CLSTN2: variants seen among roughly 807,000 people sequenced by gnomAD.
The protein encoded by CLSTN2 is calsyntenin 2.
In CLSTN2, 48 loss-of-function variants were observed where a neutral mutation model predicts 101.2. The ratio of observed to expected loss-of-function variants is 0.47; its 90% CI spans 0.38 to 0.60. The LOEUF (loss-of-function observed/expected upper bound fraction) is 0.60, where lower values mean the gene tolerates loss of function less well. Ranked by LOEUF, CLSTN2 falls within the 20% of genes least tolerant of loss-of-function variation. The probability of loss-of-function intolerance (pLI) is 0.00; values close to 1 mark genes in which losing one functional copy is unlikely to be tolerated. For synonymous variants in CLSTN2, 481 were observed against 463.6 expected, an observed-to-expected ratio of 1.04 and a Z score of -0.48; for missense variants, 1,160 against 1,238.2, an observed-to-expected ratio of 0.94 and a Z score of 0.95.
At chr3:140,386,087 A>G (rs908605490) in intron 2 of CLSTN2, among the ~76,000 whole-genome samples, 2 of 152,168 alleles carry the variant, frequency 1.3e-5, no homozygotes, top group Non-Finnish European at 2.9e-5. Flanking sequence ...TTTACTATGT[A>G]CTTTCTTCAT....
chr3:140,542,788 C>T (rs998749143), intron 9 of CLSTN2, among the ~76,000 whole-genome samples: 4 of 152,256 alleles, frequency 2.6e-5, no homozygotes, highest in East Asian at 3.9e-4. Flanking sequence ...AAGACAGTCA[C>T]AAAGCTTGGC....
intron 2 of CLSTN2, among the ~76,000 whole-genome samples, chr3:140,269,048 T>C (rs2086719323): frequency 6.6e-6 from 1 of 152,208 alleles, no homozygotes; most frequent in African/African-American, 2.4e-5. Flanking sequence ...CATTCCATAG[T>C]GCCTCTTGTC....
intron 1 of CLSTN2, among the ~76,000 whole-genome samples, chr3:139,968,047 C>A (rs565207220): frequency 1.7e-4 from 26 of 152,156 alleles, no homozygotes; most frequent in African/African-American, 6.0e-4. Context: ...TAGGTACAAT[C>A]AAAATATCTA....
chr3:140,514,388 A>C (rs928443164), intron 8 of CLSTN2, among the ~76,000 whole-genome samples: 1 of 152,140 alleles, frequency 6.6e-6, no homozygotes, highest in Non-Finnish European at 1.5e-5. Context: ...TTCCTGAGTT[A>C]CTTCACTTAG....
Position 140,048,105 on chromosome 3 carries a change from A to G in CLSTN2, c.109+112622A>G, listed in dbSNP as rs1247837026. On this transcript the variant is annotated intron_variant, in intron 1 of 16. Transcript: ENST00000458420. ...AGGAGGAGGAAGGAATATGGCTGAA[A>G]ATTGTGATCAAAATGGGCATAAATT... Among the ~76,000 whole-genome samples the G allele has an allele frequency of 2.0e-5, 3 of 152,244 alleles. No homozygotes were observed. In the East Asian group the frequency reaches 5.8e-4, roughly 29 times the overall value.
rs541822004 is a variant in CLSTN2 at position 140,269,180 on chromosome 3, A to G, written c.232+93107A>G. On this transcript the variant is annotated intron_variant, in intron 2 of 16. Coordinates refer to ENST00000458420, the MANE Select transcript of CLSTN2 (RefSeq NM_022131.3). ...GTTAAGAGGAAGATTTTCCATGGAT[A>G]CAAGTTGGAACTTAATAGTATCCTT... Among the ~76,000 whole-genome samples, 13 of 152,216 alleles carry G rather than the reference A, an allele frequency of 8.5e-5. No homozygotes were observed. In the East Asian group the frequency reaches 1.7e-3, roughly 20 times the overall value.
At chr3:139,957,742 C>T (rs945363548) in intron 1 of CLSTN2, among the ~76,000 whole-genome samples, 1 of 152,140 alleles carries the variant, frequency 6.6e-6, no homozygotes, top group South Asian at 2.1e-4. Flanking sequence ...AGCTGATGGC[C>T]CTAAGTCAGC....
At chr3:140,428,351 T>G (rs948656661) in intron 5 of CLSTN2, among the ~76,000 whole-genome samples, 1 of 152,230 alleles carries the variant, frequency 6.6e-6, no homozygotes, top group Non-Finnish European at 1.5e-5. Context: ...AAGTCAGATT[T>G]TGTATTCATT....
chr3:140,248,803 AG>A (rs1194718484), intron 2 of CLSTN2, among the ~76,000 whole-genome samples: 1 of 152,222 alleles, frequency 6.6e-6, no homozygotes, highest in Non-Finnish European at 1.5e-5. Context: ...GAGAGACAGA[AG>A]GAACTACAGT....
chr3:140,567,726 A>G lies in CLSTN2; in HGVS notation c.*1473A>G, dbSNP rs2107797087. 6.6e-6 allele frequency: 1 copy of G among 152,314 alleles called. No individual in the cohort carries two copies. The highest frequency in any genetic ancestry group is 1.5e-5 in the Non-Finnish European group (1 of 68,034). The allele number at this position is 152,314 out of a possible 1,614,324, so 9.4% of individuals were successfully genotyped here. A position where few individuals can be genotyped will look rare whatever the true frequency, so the allele number is the denominator to read the frequency against. The stretch of plus-strand genomic sequence containing the variant: ...TGTCCCCATCCTTCACTCCTCCTCA[A>G]GCTCACACCAATTGGTTTGGCACAG... On this transcript the variant is annotated 3_prime_UTR_variant, in exon 17 of 17. Transcript: ENST00000458420.
intron 1 of CLSTN2, among the ~76,000 whole-genome samples, chr3:140,123,819 T>TAC (rs1398173987): frequency 1.9e-4 from 26 of 136,796 alleles, no homozygotes; most frequent in Non-Finnish European, 2.6e-4. Flanking sequence ...TATATATATA[T>TAC]ACACATATAT....
intron 2 of CLSTN2, among the ~76,000 whole-genome samples, chr3:140,384,625 A>C (rs2088030621): frequency 6.6e-6 from 1 of 152,206 alleles, no homozygotes; most frequent in Admixed American, 6.5e-5. Context: ...TGCTGGAGTC[A>C]CACCTGACAG....
chr3:140,068,067 A>G (rs1375827798), intron 1 of CLSTN2, among the ~76,000 whole-genome samples: 3 of 152,196 alleles, frequency 2.0e-5, no homozygotes, highest in Non-Finnish European at 4.4e-5. Flanking sequence ...AGTTAAATCC[A>G]AATACTCCTT....
intron 2 of CLSTN2, among the ~76,000 whole-genome samples, chr3:140,288,518 A>T (rs1177767085): frequency 6.6e-6 from 1 of 152,168 alleles, no homozygotes; most frequent in African/African-American, 2.4e-5. Flanking sequence ...AGTGCAGCTA[A>T]TTGAGACACT....
chr3:140,346,677 T>G (rs929677846), intron 2 of CLSTN2, among the ~76,000 whole-genome samples: 16 of 152,366 alleles, frequency 1.1e-4, no homozygotes, highest in Non-Finnish European at 2.1e-4. Context: ...CTTTTCAGTC[T>G]CTTTTCACAG....
chr3:140,195,682 C>A (rs1373419196), intron 2 of CLSTN2, among the ~76,000 whole-genome samples: 1 of 152,106 alleles, frequency 6.6e-6, no homozygotes, highest in Non-Finnish European at 1.5e-5. Flanking sequence ...TTAGTTTTAT[C>A]TATAAAGCAT....
rs566535247 is a variant in CLSTN2, at chr3:140,571,298, C to T, written c.*5045C>T. The T allele has an allele frequency of 6.6e-6, 1 of 152,218 alleles. No individual in the cohort carries two copies. Among genetic ancestry groups the T allele is most frequent in the African/African-American group, 2.4e-5 (1 of 41,542 alleles). 9.4% of individuals were successfully genotyped at this position (152,218 alleles called of 1,614,324 possible). The stretch of plus-strand genomic sequence containing the variant: ...GTAGAAAGCCCGACCAAGCACACTT[C>T]GAAATTAGCAATCTTCTTGGCTCTA... On this transcript the variant is annotated 3_prime_UTR_variant, in exon 17 of 17. Coordinates refer to ENST00000458420, the MANE Select transcript of CLSTN2 (RefSeq NM_022131.3).
intron 2 of CLSTN2, among the ~76,000 whole-genome samples, chr3:140,206,075 A>G (rs2010778573): frequency 6.6e-6 from 1 of 152,226 alleles, no homozygotes; most frequent in South Asian, 2.1e-4. Context: ...TCATTCACAA[A>G]CTTCAGAACA....
intron 4 of CLSTN2, among the ~76,000 whole-genome samples, chr3:140,419,386 G>A (rs2088467615): frequency 6.9e-6 from 1 of 145,022 alleles, no homozygotes; most frequent in African/African-American, 2.7e-5. Flanking sequence ...GGAGGCTGAG[G>A]CGGGAGAATC....
Sources: allele counts gnomAD v4.1 joint callset (sites outside exome capture counted in the v4.1 genomes callset), GRCh38; gene constraint gnomAD v4.1.1; transcripts MANE v1.5; gene names NCBI Gene and HGNC (gene_info 2026-07-23, HGNC 2026-07-21).